RGS6: variants seen among roughly 807,000 people sequenced by gnomAD.
The protein encoded by RGS6 is regulator of G protein signaling 6.
Under a neutral mutation model 78.5 loss-of-function variants are expected in RGS6, and 30 were observed. The ratio of observed to expected loss-of-function variants is 0.38; its 90% confidence interval spans 0.29 to 0.52. The LOEUF (loss-of-function observed/expected upper bound fraction) is 0.52. Ranked by LOEUF, RGS6 falls within the 20% of genes least tolerant of loss-of-function variation. The probability of loss-of-function intolerance (pLI) is 0.85; values close to 1 mark genes in which losing one functional copy is unlikely to be tolerated. For synonymous variants in RGS6, 206 were observed against 206.0 expected, an observed-to-expected ratio of 1.00 and a Z score of 0.00; for missense variants, 495 against 609.7, an observed-to-expected ratio of 0.81 and a Z score of 1.98.
In RGS6 at chr14:72,435,737, T is replaced by TTCTC. The variant is rs147399281; in HGVS notation, c.185-18780_185-18777dup. Reference sequence around the variant, plus strand: ...GGCATGTTTGTGCTTCTCATTCTCATTCTCTCTCTCTCTCCCACCCCGCCC... The same window carrying TTCTC: ...GGCATGTTTGTGCTTCTCATTCTCATTCTCTCTCTCTCTCTCTCCCACCCCGCCC... On this transcript the variant is annotated intron_variant, in intron 3 of 17. Coordinates refer to ENST00000553525, the MANE Select transcript of RGS6 (RefSeq NM_001204424.2). Among the ~76,000 whole-genome samples the TTCTC allele has an allele frequency of 7.5e-4, 113 of 151,060 alleles. 3 individuals carry two copies. The East Asian group carries it at 0.022, about 29-fold the overall frequency.
At chr14:71,898,335 G>T in the RGS6 span, among the ~76,000 whole-genome samples, 1 of 151,996 alleles carries the variant, frequency 6.6e-6, no homozygotes, top group Non-Finnish European at 1.5e-5. Flanking sequence ...CTTTTTGAGG[G>T]TTTACTGAAA....
At chr14:72,378,485 CAAAT>C (rs1331113250) in intron 3 of RGS6, among the ~76,000 whole-genome samples, 15 of 151,832 alleles carry the variant, frequency 9.9e-5, no homozygotes, top group East Asian at 3.9e-4. Flanking sequence ...AGAGAAGACT[CAAAT>C]AAATCAGAAA....
intron 2 of RGS6, among the ~76,000 whole-genome samples, chr14:72,225,063 G>A (rs2047794547): frequency 6.6e-6 from 1 of 152,118 alleles, no homozygotes; most frequent in Non-Finnish European, 1.5e-5. Context: ...ACTCATCAAG[G>A]CCTGATGCCA....
chr14:72,594,170 AGCAGGTAAAGG>A, the RGS6 span, among the ~76,000 whole-genome samples: 1 of 152,154 alleles, frequency 6.6e-6, no homozygotes, highest in Non-Finnish European at 1.5e-5. Flanking sequence ...AGGAGCCCAG[AGCAGGTAAAGG>A]GCTTCTCCAG....
the RGS6 span, among the ~76,000 whole-genome samples, chr14:71,909,504 A>G: frequency 6.6e-6 from 1 of 151,722 alleles, no homozygotes; most frequent in East Asian, 1.9e-4. Context: ...AGAGAGAGAA[A>G]TAAGGACAGA....
At chr14:72,010,377 T>C (rs2085426419) in intron 2 of RGS6, among the ~76,000 whole-genome samples, 1 of 152,178 alleles carries the variant, frequency 6.6e-6, no homozygotes, top group Admixed American at 6.5e-5. Context: ...TATAGAAAGA[T>C]AGGAACCATT....
At chr14:72,309,629 T>C (rs533100267) in intron 2 of RGS6, among the ~76,000 whole-genome samples, 79 of 152,352 alleles carry the variant, frequency 5.2e-4, no homozygotes, top group African/African-American at 1.8e-3. Flanking sequence ...TAAATATAGT[T>C]TTATTATTAA....
intron 2 of RGS6, among the ~76,000 whole-genome samples, chr14:72,221,417 A>G (rs537323693): frequency 3.3e-5 from 5 of 152,038 alleles, no homozygotes; most frequent in Non-Finnish European, 5.9e-5. Context: ...GATTATTCCT[A>G]AAAAAAAGTT....
At chr14:72,203,400 C>G (rs59197123) in intron 2 of RGS6, among the ~76,000 whole-genome samples, 13,768 of 152,168 alleles carry the variant, frequency 0.09, 775 homozygotes, top group East Asian at 0.25. Flanking sequence ...CAAATTGTCC[C>G]AAATTTAGTG....
At chr14:72,509,266 G>A (rs2096849377) in intron 13 of RGS6, among the ~76,000 whole-genome samples, 1 of 151,966 alleles carries the variant, frequency 6.6e-6, no homozygotes, top group African/African-American at 2.4e-5. Flanking sequence ...TCGGGAGGCT[G>A]AGGCAGGAGC....
intron 3 of RGS6, among the ~76,000 whole-genome samples, chr14:72,425,708 T>C (rs1264287560): frequency 6.6e-6 from 1 of 152,190 alleles, no homozygotes; most frequent in Non-Finnish European, 1.5e-5. Context: ...GGGAGGATAA[T>C]TTGGTTCAAC....
chr14:72,112,441 G>A (rs1436386326), intron 2 of RGS6, among the ~76,000 whole-genome samples: 1 of 152,142 alleles, frequency 6.6e-6, no homozygotes, highest in African/African-American at 2.4e-5. Flanking sequence ...TGGCAGCAGG[G>A]TAGGATTCTA....
chr14:72,094,718 T>A (rs912997949), intron 2 of RGS6, among the ~76,000 whole-genome samples: 6 of 152,162 alleles, frequency 3.9e-5, no homozygotes, highest in African/African-American at 1.4e-4. Flanking sequence ...TAGTTTTCTG[T>A]GACATTGTTT....
At chr14:72,273,088 T>C (rs2238211) in intron 2 of RGS6, among the ~76,000 whole-genome samples, 91,844 of 150,608 alleles carry the variant, frequency 0.61, 28,055 homozygotes, top group Non-Finnish European at 0.64. Flanking sequence ...GCTGAGGCCG[T>C]GCCATTGCAC....
At chr14:72,046,323 C>T (rs1466092822) in intron 2 of RGS6, among the ~76,000 whole-genome samples, 1 of 151,768 alleles carries the variant, frequency 6.6e-6, no homozygotes, top group Non-Finnish European at 1.5e-5. Context: ...TTTTAAACTC[C>T]CATGTCCAAT....
At chr14:72,356,324 T>C (rs542670072) in intron 3 of RGS6, among the ~76,000 whole-genome samples, 2 of 152,264 alleles carry the variant, frequency 1.3e-5, no homozygotes, top group South Asian at 4.1e-4. Context: ...GCTCTCTCTC[T>C]CTCCTGCCGC....
At chr14:72,628,221 C>CTCATTAAA in the RGS6 span, among the ~76,000 whole-genome samples, 2 of 152,060 alleles carry the variant, frequency 1.3e-5, no homozygotes, top group Non-Finnish European at 2.9e-5. Flanking sequence ...TAGTGTTTTC[C>CTCATTAAA]TCATTAAATA....
chr14:72,487,200 T>G (rs2096504172), intron 12 of RGS6, among the ~76,000 whole-genome samples: 1 of 152,256 alleles, frequency 6.6e-6, no homozygotes, highest in Admixed American at 6.5e-5. Flanking sequence ...TTGCGTGGGT[T>G]GTGATAGTGG....
intron 2 of RGS6, among the ~76,000 whole-genome samples, chr14:72,274,987 T>A (rs1277000384): frequency 1.3e-5 from 2 of 152,242 alleles, no homozygotes; most frequent in African/African-American, 4.8e-5. Context: ...TATATTTACT[T>A]CCTTCAATGA....
Sources: gnomAD v4.1 joint callset for allele counts (sites outside exome capture counted in the v4.1 genomes callset) on GRCh38, gnomAD v4.1.1 for gene constraint, MANE v1.5 for transcripts, NCBI Gene and HGNC (gene_info 2026-07-23, HGNC 2026-07-21) for gene names.